PARP16: variants seen among roughly 807,000 people sequenced by gnomAD.
PARP16 encodes poly(ADP-ribose) polymerase family member 16.
PARP16 carries 31 observed loss-of-function variants against 35.0 expected under a neutral mutation model. The observed-to-expected ratio is 0.88, with a 90% CI of 0.66 to 1.19. The LOEUF is 1.19. PARP16 is among the 50% of genes most tolerant of loss of function. PARP16 has a pLI of 0.00. For synonymous variants in PARP16, 162 were observed against 169.5 expected, an observed-to-expected ratio of 0.96 and a Z score of 0.34; for missense variants, 424 against 411.2, an observed-to-expected ratio of 1.03 and a Z score of -0.27.
chr15:65,246,570 G>A (rs1042716994), intron 3 of PARP16, among the ~76,000 whole-genome samples: 9 of 152,338 alleles, frequency 5.9e-5, no homozygotes, highest in South Asian at 2.1e-4. Context: ...ACCTGACCCA[G>A]CTCTGCCCTG....
intron 1 of PARP16, among the ~76,000 whole-genome samples, chr15:65,271,862 T>G (rs1015662370): frequency 6.6e-6 from 1 of 152,196 alleles, no homozygotes; most frequent in South Asian, 2.1e-4. Context: ...GTATGACAAC[T>G]ACATACGTAA....
At chr15:65,267,239 T>C (rs1208001023) in intron 2 of PARP16, among the ~76,000 whole-genome samples, 1 of 151,538 alleles carries the variant, frequency 6.6e-6, no homozygotes, top group East Asian at 1.9e-4. Flanking sequence ...GAAACTCCAT[T>C]TAAAAAAATA....
intron 1 of PARP16, among the ~76,000 whole-genome samples, chr15:65,275,299 A>T (rs2090219732): frequency 6.6e-6 from 1 of 152,160 alleles, no homozygotes; most frequent in Non-Finnish European, 1.5e-5. Flanking sequence ...AAAGCGCAGC[A>T]TGTAGCTGGG....
chr15:65,239,815 CCTGGCTAATTT>C (rs1454402610), intron 3 of PARP16, among the ~76,000 whole-genome samples: 1 of 150,642 alleles, frequency 6.6e-6, no homozygotes, highest in Non-Finnish European at 1.5e-5. Flanking sequence ...TTCCACCACG[CCTGGCTAATTT>C]TTTGTATTTT....
intron 3 of PARP16, among the ~76,000 whole-genome samples, chr15:65,245,374 G>A (rs946037919): frequency 6.6e-6 from 1 of 152,230 alleles, no homozygotes; most frequent in Non-Finnish European, 1.5e-5. Context: ...ACATGAGCCT[G>A]TACCTCTAGG....
intron 3 of PARP16, among the ~76,000 whole-genome samples, chr15:65,245,565 G>A (rs1595986827): frequency 6.6e-6 from 1 of 152,090 alleles, no homozygotes; most frequent in African/African-American, 2.4e-5. Flanking sequence ...TGTGTAGGAG[G>A]GTGTCAGAGC....
Position 65,258,171 on chromosome 15 carries a change from T to G in PARP16, c.*1236A>C. 6.6e-6 allele frequency: 1 copy of G among 152,224 alleles called. No individual in the cohort carries two copies. The highest frequency in any genetic ancestry group is 1.9e-4 in the East Asian group (1 of 5,204). 9.4% of individuals were successfully genotyped at this position (152,224 alleles called of 1,614,324 possible). A position where few individuals can be genotyped will look rare whatever the true frequency, so the allele number is the denominator to read the frequency against. On this transcript the variant is annotated 3_prime_UTR_variant, in exon 6 of 6. Coordinates refer to ENST00000649807, the MANE Select transcript of PARP16 (RefSeq NM_001316943.2). ...TGTAAAAACTGTGGTAGTGGCTCTT[T>G]CACAACTTTACAAATTATAGAAAAA...
chr15:65,267,718 G>A (rs758947397), intron 2 of PARP16, among the ~76,000 whole-genome samples: 2 of 80,538 alleles, frequency 2.5e-5, no homozygotes, highest in Non-Finnish European at 4.3e-5. Context: ...AGACAGTCTC[G>A]CTCTGTCGCC....
In PARP16 at chr15:65,269,174, T is replaced by TCTCTCTCTCTCTCTCTC. The variant is rs60229565; in HGVS notation, c.312+1760_312+1761insGAGAGAGAGAGAGAGAG. ...TCACACCTGGCCCATTTTAGTCGGT[T>TCTCTCTCTCTCTCTCTC]TTTTTCTTTCTTTCTTTCTTTCTTT... On this transcript the variant is annotated intron_variant, in intron 2 of 5. Transcript: ENST00000649807. 7.5e-4 allele frequency among the ~76,000 whole-genome samples: 110 copies of TCTCTCTCTCTCTCTCTC among 146,834 alleles called. 1 individual carries two copies. The highest frequency in any genetic ancestry group is 3.5e-3 in the Middle Eastern group (1 of 284).
intron 1 of PARP16, among the ~76,000 whole-genome samples, chr15:65,282,924 G>T (rs1371477732): frequency 3.3e-5 from 5 of 151,978 alleles, no homozygotes; most frequent in Non-Finnish European, 7.4e-5. Context: ...TACTTTACTG[G>T]TATCATTTGA....
intron 1 of PARP16, among the ~76,000 whole-genome samples, chr15:65,282,801 C>T (rs1567041597): frequency 6.6e-6 from 1 of 152,140 alleles, no homozygotes. Context: ...CTGATGCTCT[C>T]TTAAGGGATT....
intron 1 of PARP16, among the ~76,000 whole-genome samples, chr15:65,277,924 T>C (rs888950025): frequency 1.3e-5 from 2 of 152,166 alleles, no homozygotes; most frequent in Admixed American, 6.5e-5. Flanking sequence ...GAAATCACCA[T>C]CTAGGCAAGC....
chr15:65,272,608 C>T (rs1163087319), intron 1 of PARP16, among the ~76,000 whole-genome samples: 2 of 152,134 alleles, frequency 1.3e-5, no homozygotes, highest in Non-Finnish European at 2.9e-5. Flanking sequence ...TCCAAGAGAC[C>T]ACTCTCTCCT....
At chr15:65,252,117 T>C (rs1022212247) in intron 2 of PARP16, among the ~76,000 whole-genome samples, 13 of 152,136 alleles carry the variant, frequency 8.5e-5, no homozygotes, top group Non-Finnish European at 1.8e-4. Context: ...AACTCACTAA[T>C]TGGCTTGGGC....
At chr15:65,277,803 T>C (rs374436629) in intron 1 of PARP16, among the ~76,000 whole-genome samples, 37 of 152,340 alleles carry the variant, frequency 2.4e-4, no homozygotes, top group East Asian at 1.7e-3. Context: ...AGGTATGATA[T>C]TGGAATTCCC....
Position 65,259,512 on chromosome 15 carries a change from G to A in PARP16, c.864C>T (p.Ser288=). ...GGGATATCATGACGGTAAACCAATG[G>A]CTGGAAAACCAGGAGAGCTGGCTCG... The part of the protein sequence containing the change: ...RASSQLSWFS[S]HWFTVMISLY... The change falls in exon 6 of 6, where the codon AGC becomes AGT. Residue 288 remains serine (S), a synonymous_variant. Coordinates refer to ENST00000649807, the MANE Select transcript of PARP16 (RefSeq NM_001316943.2). 2 of 1,614,000 alleles carry A rather than the reference G, an allele frequency of 1.2e-6. No homozygotes were observed. Among genetic ancestry groups the A allele is most frequent in the Non-Finnish European group, 1.7e-6 (2 of 1,179,816 alleles).
chr15:65,251,504 T>C (rs945999449), intron 2 of PARP16, among the ~76,000 whole-genome samples: 1 of 152,366 alleles, frequency 6.6e-6, no homozygotes, highest in Middle Eastern at 3.4e-3. Context: ...ACAGCAGCTC[T>C]GCTTTCCACT....
chr15:65,274,042 C>T (rs2090173600), intron 1 of PARP16, among the ~76,000 whole-genome samples: 1 of 151,630 alleles, frequency 6.6e-6, no homozygotes, highest in South Asian at 2.1e-4. Context: ...AGGATCCATC[C>T]CACCCCCACC....
downstream of PARP16, among the ~76,000 whole-genome samples, chr15:65,231,441 T>C (rs1004758701): frequency 1.3e-5 from 2 of 151,898 alleles, no homozygotes; most frequent in African/African-American, 2.4e-5. Flanking sequence ...CCTTACATAG[T>C]TTGCAAATTA....
Sources: gnomAD v4.1 joint callset for allele counts (sites outside exome capture counted in the v4.1 genomes callset) on GRCh38, gnomAD v4.1.1 for gene constraint, MANE v1.5 for transcripts, NCBI Gene and HGNC (gene_info 2026-07-23, HGNC 2026-07-21) for gene names.